Variants in KDM2A observed in about 807,000 individuals in gnomAD.
The protein encoded by KDM2A is lysine demethylase 2A, also known as lysine-specific demethylase 2A.
KDM2A carries 3 observed loss-of-function variants against 137.3 expected under a neutral mutation model. The observed-to-expected ratio is 0.02, with a 90% CI of 0.01 to 0.06. The LOEUF (loss-of-function observed/expected upper bound fraction) is 0.06, where lower values mean the gene tolerates loss of function less well. KDM2A is among the 10% of genes least tolerant of loss of function. The pLI, the probability that KDM2A is intolerant of heterozygous loss-of-function variation, is 1.00. For synonymous variants in KDM2A, 512 were observed against 541.5 expected (o/e 0.95, Z 0.76); for missense variants, 738 against 1,510.6 (o/e 0.49, Z 8.48).
chr11:67,162,773 G>A (rs1016087424), intron 2 of KDM2A, among the ~76,000 whole-genome samples: 3 of 152,074 alleles, frequency 2.0e-5, no homozygotes, highest in African/African-American at 4.8e-5. Flanking sequence ...GAGTGCAGTG[G>A]TGTGATCATT....
At chr11:67,192,337 A>G (rs1857375693) in intron 5 of KDM2A, among the ~76,000 whole-genome samples, 1 of 151,210 alleles carries the variant, frequency 6.6e-6, no homozygotes, top group Non-Finnish European at 1.5e-5. Context: ...TTCACTAAAC[A>G]TTGCATTCAT....
intron 2 of KDM2A, among the ~76,000 whole-genome samples, chr11:67,121,921 C>T (rs1282477815): frequency 6.6e-6 from 1 of 152,066 alleles, no homozygotes; most frequent in East Asian, 1.9e-4. Flanking sequence ...GAGGAATGTA[C>T]GAGATAGATC....
chr11:67,231,989 T>C, intron 12 of KDM2A, 29 bp downstream of exon 12: 1 of 1,574,178 alleles, frequency 6.4e-7, no homozygotes, highest in Non-Finnish European at 8.6e-7. Context: ...ACATGACAGC[T>C]ACTGATCCAG....
intron 12 of KDM2A, among the ~76,000 whole-genome samples, chr11:67,234,566 A>C (rs1045937167): frequency 2.6e-5 from 4 of 152,224 alleles, no homozygotes; most frequent in Non-Finnish European, 4.4e-5. Context: ...AAAAAATAGG[A>C]CATTAAAAAG....
chr11:67,158,378 G>A (rs2136314277), intron 2 of KDM2A, among the ~76,000 whole-genome samples: 1 of 152,192 alleles, frequency 6.6e-6, no homozygotes, highest in East Asian at 1.9e-4. Flanking sequence ...GTATAAAGCC[G>A]CTCTGAATAT....
At chr11:67,212,783 A>G (rs1445517282) in intron 6 of KDM2A, among the ~76,000 whole-genome samples, 1 of 132,550 alleles carries the variant, frequency 7.5e-6, no homozygotes, top group East Asian at 2.4e-4. Flanking sequence ...AATGCGTGGT[A>G]AAAAAAAAAA....
chr11:67,247,803 A>G (rs1466261549), intron 15 of KDM2A, among the ~76,000 whole-genome samples: 1 of 152,242 alleles, frequency 6.6e-6, no homozygotes, highest in Non-Finnish European at 1.5e-5. Flanking sequence ...ATCTATTAAC[A>G]TATCTCAAAC....
intron 2 of KDM2A, among the ~76,000 whole-genome samples, chr11:67,130,635 A>G (rs552893402): frequency 8.5e-5 from 13 of 152,222 alleles, no homozygotes; most frequent in Non-Finnish European, 1.6e-4. Flanking sequence ...GTATCTTTCT[A>G]TTTTGGGGGG....
rs1855770933 is a variant in KDM2A at position 67,128,073 on chromosome 11, G to T, written c.42+6715G>T. 7.6e-5 allele frequency among the ~76,000 whole-genome samples: 11 copies of T among 145,304 alleles called. No individual in the cohort carries two copies. The South Asian group carries it at 2.4e-3, about 32-fold the overall frequency. ...TCTGTTGCCCAGGCCGGAGTGCAAT[G>T]GCACTACCACTGCAGCATCAGCCTC... On this transcript the variant is annotated intron_variant, in intron 2 of 20. Transcript: ENST00000529006.
intron 2 of KDM2A, among the ~76,000 whole-genome samples, chr11:67,161,756 CTAT>C (rs1856644198): frequency 6.6e-6 from 1 of 152,066 alleles, no homozygotes; most frequent in African/African-American, 2.4e-5. Context: ...CATAACAGTA[CTAT>C]TATTTGTCTT....
At chr11:67,176,153 T>C (rs1386001385) in intron 2 of KDM2A, among the ~76,000 whole-genome samples, 1 of 152,220 alleles carries the variant, frequency 6.6e-6, no homozygotes, top group Non-Finnish European at 1.5e-5. Context: ...TTACTAAATA[T>C]GGAAAAGATA....
chr11:67,179,274 T>A (rs1857035499), intron 2 of KDM2A, among the ~76,000 whole-genome samples: 1 of 152,108 alleles, frequency 6.6e-6, no homozygotes, highest in African/African-American at 2.4e-5. Flanking sequence ...TTTTGTTTTG[T>A]TTTGTTTTGT....
intron 10 of KDM2A, among the ~76,000 whole-genome samples, chr11:67,225,220 G>A (rs1285508176): frequency 1.3e-5 from 2 of 152,134 alleles, no homozygotes; most frequent in South Asian, 4.1e-4. Context: ...GAAAACAAAA[G>A]ATATCATTCT....
chr11:67,227,620 A>C (rs2136418889), intron 10 of KDM2A, among the ~76,000 whole-genome samples: 1 of 152,126 alleles, frequency 6.6e-6, no homozygotes, highest in South Asian at 2.1e-4. Flanking sequence ...CCCAGACTGG[A>C]GTGCAGAGGC....
intron 2 of KDM2A, among the ~76,000 whole-genome samples, chr11:67,164,168 G>T (rs952227709): frequency 6.6e-6 from 1 of 152,164 alleles, no homozygotes; most frequent in African/African-American, 2.4e-5. Flanking sequence ...TGAGAAAATG[G>T]AAGCTTAGGG....
chr11:67,177,727 G>T (rs1403704573), intron 2 of KDM2A, among the ~76,000 whole-genome samples: 1 of 152,046 alleles, frequency 6.6e-6, no homozygotes. Flanking sequence ...TAGAAGGAAT[G>T]CATGCTAAAA....
rs553259140 is a variant in KDM2A at position 67,244,271 on chromosome 11, A to G, written c.1564-918A>G. 7.9e-5 allele frequency among the ~76,000 whole-genome samples: 12 copies of G among 152,366 alleles called. No individual in the cohort carries two copies. In the East Asian group the frequency reaches 2.3e-3, roughly 29 times the overall value. On this transcript the variant is annotated intron_variant, in intron 13 of 20. Transcript: ENST00000529006. ...AGAAAACATGGTCCTTGTCCTTGAAAAGGTCACCAGCAGGGTAAATGCAAA... is the reference window on the plus strand; with the variant it reads ...AGAAAACATGGTCCTTGTCCTTGAAGAGGTCACCAGCAGGGTAAATGCAAA...
At chr11:67,157,824 A>G (rs892342894) in intron 2 of KDM2A, among the ~76,000 whole-genome samples, 1 of 152,068 alleles carries the variant, frequency 6.6e-6, no homozygotes, top group Non-Finnish European at 1.5e-5. Flanking sequence ...CATTATTATA[A>G]GCTGGGTGTG....
intron 2 of KDM2A, among the ~76,000 whole-genome samples, chr11:67,161,166 A>C (rs545707696): frequency 6.6e-6 from 1 of 152,192 alleles, no homozygotes; most frequent in Non-Finnish European, 1.5e-5. Context: ...GTTTGAGACT[A>C]ACTTGAGAAC....
Sources: gnomAD v4.1 joint callset for allele counts (sites outside exome capture counted in the v4.1 genomes callset) on GRCh38, gnomAD v4.1.1 for gene constraint, MANE v1.5 for transcripts, NCBI Gene and HGNC (gene_info 2026-07-23, HGNC 2026-07-21) for gene names.